Variants in CRISPLD2 observed in about 807,000 individuals in gnomAD.
CRISPLD2 encodes the protein cysteine-rich secretory protein LCCL domain-containing 2.
Under a neutral mutation model 71.1 loss-of-function variants are expected in CRISPLD2, and 47 were observed. That is an observed-to-expected ratio of 0.66 (90% CI 0.52 to 0.84). CRISPLD2 has a LOEUF of 0.84. Among genes scored for constraint, CRISPLD2 ranks in the 40% least tolerant of loss-of-function variants. The pLI is 0.00. For missense variants in CRISPLD2, 830 were observed against 651.1 expected, an observed-to-expected ratio of 1.27 and a Z score of -2.99; for synonymous variants, 317 against 250.1, an observed-to-expected ratio of 1.27 and a Z score of -2.52.
intron 14 of CRISPLD2, among the ~76,000 whole-genome samples, chr16:84,898,565 C>T (rs2071726619): frequency 1.3e-5 from 2 of 152,202 alleles, no homozygotes; most frequent in South Asian, 4.1e-4. Context: ...ATCCAGCCTG[C>T]ACTTGTCTCC....
intron 1 of CRISPLD2, among the ~76,000 whole-genome samples, chr16:84,826,207 G>C (rs1916348510): frequency 6.6e-6 from 1 of 152,222 alleles, no homozygotes; most frequent in African/African-American, 2.4e-5. Flanking sequence ...ATAGGGCCTG[G>C]TGTGACCAGA....
chr16:84,866,433 G>A lies in CRISPLD2; in HGVS notation c.710-464G>A, dbSNP rs149091976. On this transcript the variant is annotated intron_variant, in intron 6 of 14. Coordinates refer to ENST00000262424, the MANE Select transcript of CRISPLD2 (RefSeq NM_031476.4). ...GTATTTTTAGTAGAGACGGGGTTTC[G>A]CCATGTTAGCCAGGCTGGTGTCAAA... Among the ~76,000 whole-genome samples, 932 of 151,980 alleles carry A rather than the reference G, an allele frequency of 6.1e-3. 14 individuals carry two copies. Among genetic ancestry groups the A allele is most frequent in the African/African-American group, 0.022 (903 of 41,432 alleles).
At chr16:84,880,346 C>A (rs926893964) in intron 12 of CRISPLD2, among the ~76,000 whole-genome samples, 163 bp from the exon 13 acceptor site, 2 of 152,086 alleles carry the variant, frequency 1.3e-5, no homozygotes, top group African/African-American at 4.8e-5. Flanking sequence ...TTTACCTCTG[C>A]TGAGGGGGGA....
intron 2 of CRISPLD2, among the ~76,000 whole-genome samples, chr16:84,842,690 G>C (rs1027594561): frequency 1.3e-5 from 2 of 151,922 alleles, no homozygotes; most frequent in African/African-American, 4.8e-5. Context: ...TTTCTTTTTC[G>C]CCGCCAATTT....
In CRISPLD2 at chr16:84,890,432, G is replaced by A. The variant is rs76938306; in HGVS notation, c.1439+1069G>A. Among the ~76,000 whole-genome samples, 633 of 152,172 alleles carry A rather than the reference G, an allele frequency of 4.2e-3. 2 individuals carry two copies. The highest frequency in any genetic ancestry group is 0.015 in the African/African-American group (613 of 41,502). On this transcript the variant is annotated intron_variant, in intron 14 of 14. Transcript: ENST00000262424. ...TGTTGATTACTCCGTATTTCCACTCGAGACCATACCTTTATGGAAATCTAT... is the reference window on the plus strand; with the variant it reads ...TGTTGATTACTCCGTATTTCCACTCAAGACCATACCTTTATGGAAATCTAT...
Position 84,909,417 on chromosome 16 carries a change from T to G in CRISPLD2, c.*2775T>G, listed in dbSNP as rs1404107640. The G allele has an allele frequency of 6.5e-6, 1 of 152,700 alleles. No homozygotes were observed. The highest frequency in any genetic ancestry group is 2.4e-5 in the African/African-American group (1 of 41,466). 9.5% of individuals were successfully genotyped at this position (152,700 alleles called of 1,614,324 possible). ...CAGGGGCCACGTTGTTGCAATTGTT[T>G]CAGTAGAACTGGTTTGATTTCTAAA... is the stretch of plus-strand genomic sequence containing the variant. On this transcript the variant is annotated 3_prime_UTR_variant, in exon 15 of 15. Transcript: ENST00000262424.
chr16:84,873,838 A>T, intron 10 of CRISPLD2, 82 bp from the exon 11 acceptor site: 2 of 1,287,952 alleles, frequency 1.6e-6, no homozygotes, highest in Non-Finnish European at 2.2e-6. Context: ...TAAGATAAGT[A>T]TAGGAGCAAG....
intron 14 of CRISPLD2, 125 bp downstream of exon 14, chr16:84,889,488 T>C: frequency 1.1e-6 from 1 of 935,514 alleles, no homozygotes; most frequent in Non-Finnish European, 1.5e-6. Context: ...GCACGAATTC[T>C]TACCAGGACT....
rs2071807415 is a variant in CRISPLD2, at chr16:84,906,860, TC to T, written c.*220del. 1 of 641,304 alleles carries T rather than the reference TC, an allele frequency of 1.6e-6. No homozygotes were observed. Among genetic ancestry groups the T allele is most frequent in the South Asian group, 1.7e-5 (1 of 57,316 alleles). 39.7% of individuals were successfully genotyped at this position (641,304 alleles called of 1,614,324 possible). A position where few individuals can be genotyped will look rare whatever the true frequency, so the allele number is the denominator to read the frequency against. Reference sequence around the variant, plus strand: ...CTCAGCCGGACTCCCTGGTGCCTGATCCTGCTGGGGCCTGGGGGTCTCCATC... The same window carrying T: ...CTCAGCCGGACTCCCTGGTGCCTGATCTGCTGGGGCCTGGGGGTCTCCATC... On this transcript the variant is annotated 3_prime_UTR_variant, in exon 15 of 15. Transcript: ENST00000262424.
chr16:84,902,772 CTT>C (rs757030374), intron 14 of CRISPLD2, among the ~76,000 whole-genome samples: 4 of 85,942 alleles, frequency 4.7e-5, no homozygotes, highest in Non-Finnish European at 8.3e-5. Flanking sequence ...CGGCCCATTG[CTT>C]TTTTTTTTTT....
rs2071827454 is a variant in CRISPLD2, at chr16:84,908,763, A to G, written c.*2121A>G. The G allele has an allele frequency of 7.1e-6, 1 of 140,332 alleles. No individual in the cohort carries two copies. Among genetic ancestry groups the G allele is most frequent in the Admixed American group, 8.0e-5 (1 of 12,432 alleles). The allele number at this position is 140,332 out of a possible 1,614,324, so 8.7% of individuals were successfully genotyped here. A position where few individuals can be genotyped will look rare whatever the true frequency, so the allele number is the denominator to read the frequency against. ...GAGTGCAGTGGCGTGATCTCTGCTC[A>G]TTGCAACTGCCGCCTCCCGGGTTCA... On this transcript the variant is annotated 3_prime_UTR_variant, in exon 15 of 15. Coordinates refer to ENST00000262424, the MANE Select transcript of CRISPLD2 (RefSeq NM_031476.4).
intron 4 of CRISPLD2, 122 bp from the exon 5 acceptor site, chr16:84,850,446 T>G: frequency 1.3e-6 from 1 of 747,996 alleles, no homozygotes; most frequent in Non-Finnish European, 2.3e-6. Context: ...GACTAATATC[T>G]GCTTCCCCAA....
At chr16:84,822,622 C>G (rs1162626858) in intron 1 of CRISPLD2, among the ~76,000 whole-genome samples, 1 of 152,178 alleles carries the variant, frequency 6.6e-6, no homozygotes, top group Non-Finnish European at 1.5e-5. Flanking sequence ...CAGGATCACT[C>G]AAACGGGCTG....
chr16:84,845,287 C>T (rs1405769706), intron 2 of CRISPLD2, among the ~76,000 whole-genome samples: 1 of 152,154 alleles, frequency 6.6e-6, no homozygotes, highest in African/African-American at 2.4e-5. Context: ...AAGCCCGAGG[C>T]CTGGTGTGCC....
At position 84,859,196 on chromosome 16, in the gene CRISPLD2, A is replaced by G. The variant is rs140999884; in HGVS notation, c.709+4367A>G. 3.3e-3 allele frequency among the ~76,000 whole-genome samples: 503 copies of G among 152,296 alleles called. 3 individuals are homozygous for G. Among genetic ancestry groups the G allele is most frequent in the African/African-American group, 0.011 (460 of 41,546 alleles). On this transcript the variant is annotated intron_variant, in intron 6 of 14. Coordinates refer to ENST00000262424, the MANE Select transcript of CRISPLD2 (RefSeq NM_031476.4). Reference sequence around the variant, plus strand: ...GTGGGGGTTCTGCCAGCTGCTAAGTATGTCTATGCCAATTATGCATTCTGA... The same window carrying G: ...GTGGGGGTTCTGCCAGCTGCTAAGTGTGTCTATGCCAATTATGCATTCTGA...
chr16:84,824,965 G>T (rs375215603), intron 1 of CRISPLD2, among the ~76,000 whole-genome samples: 2 of 152,032 alleles, frequency 1.3e-5, no homozygotes, highest in African/African-American at 2.4e-5. Flanking sequence ...TTAGCCGGGC[G>T]TGGTGGCAGG....
At chr16:84,888,927 C>T (rs534764964) in intron 13 of CRISPLD2, among the ~76,000 whole-genome samples, 2 of 152,346 alleles carry the variant, frequency 1.3e-5, no homozygotes, top group Non-Finnish European at 2.9e-5. Context: ...TATTTGCTCA[C>T]TCGACTCTTT....
rs894788067 is a variant in CRISPLD2, at chr16:84,900,105, C to T, written c.1440-6483C>T. Reference sequence around the variant, plus strand: ...GCCACTCTTTCTCCTCCTCTTGGTCCGGAGCCACCTGCGGCCAAGCGTTCT... The same window carrying T: ...GCCACTCTTTCTCCTCCTCTTGGTCTGGAGCCACCTGCGGCCAAGCGTTCT... On this transcript the variant is annotated intron_variant, in intron 14 of 14. Transcript: ENST00000262424. Among the ~76,000 whole-genome samples, 4 of 152,240 alleles carry T rather than the reference C, an allele frequency of 2.6e-5. 1 individual carries two copies. The highest frequency in any genetic ancestry group is 6.8e-3 in the Middle Eastern group (2 of 294).
At chr16:84,869,853 A>AGTAGT (rs1400699511) in intron 8 of CRISPLD2, among the ~76,000 whole-genome samples, 3 of 152,254 alleles carry the variant, frequency 2.0e-5, no homozygotes, top group African/African-American at 7.2e-5. Flanking sequence ...ATCACCCCTG[A>AGTAGT]GTAGTACTCA....
Sources: allele counts gnomAD v4.1 joint callset (sites outside exome capture counted in the v4.1 genomes callset), GRCh38; gene constraint gnomAD v4.1.1; transcripts MANE v1.5; gene names NCBI Gene and HGNC (gene_info 2026-07-23, HGNC 2026-07-21).